CTNNA3: variants seen among roughly 807,000 people sequenced by gnomAD.
CTNNA3 encodes the protein catenin alpha 3.
Under a neutral mutation model 95.7 loss-of-function variants are expected in CTNNA3, and 76 were observed. The observed-to-expected ratio is 0.79, with a 90% CI of 0.66 to 0.96. The LOEUF (loss-of-function observed/expected upper bound fraction) is 0.96, where lower values mean the gene tolerates loss of function less well. CTNNA3 is among the 40% of genes least tolerant of loss of function. The pLI, the probability that CTNNA3 is intolerant of heterozygous loss-of-function variation, is 0.00. For missense variants in CTNNA3, 1,191 were observed against 1,089.8 expected (o/e 1.09, Z -1.31); for synonymous variants, 431 against 374.4 (o/e 1.15, Z -1.74).
intron 9 of CTNNA3, among the ~76,000 whole-genome samples, chr10:66,690,802 T>A (rs963131000): frequency 6.6e-6 from 1 of 152,140 alleles, no homozygotes; most frequent in African/African-American, 2.4e-5. Flanking sequence ...TGTGTCTTTA[T>A]AGCAGCATGA....
At chr10:66,427,611 CT>C (rs1471703748) in intron 11 of CTNNA3, among the ~76,000 whole-genome samples, 13 of 152,032 alleles carry the variant, frequency 8.6e-5, no homozygotes, top group African/African-American at 3.1e-4. Flanking sequence ...TATTTTTGCT[CT>C]TGTAAACAGA....
intron 12 of CTNNA3, among the ~76,000 whole-genome samples, chr10:66,360,945 GTCTC>G (rs1182972951): frequency 1.1e-5 from 1 of 92,832 alleles, no homozygotes; most frequent in African/African-American, 3.7e-5. Context: ...CTCTCTCTCT[GTCTC>G]TCTCTTTCTT....
At chr10:66,517,748 T>A (rs1487375179) in intron 11 of CTNNA3, among the ~76,000 whole-genome samples, 1 of 152,058 alleles carries the variant, frequency 6.6e-6, no homozygotes, top group Non-Finnish European at 1.5e-5. Flanking sequence ...ACCCCCAATT[T>A]TTTCTTGCAC....
chr10:66,922,459 C>G (rs551136584), intron 7 of CTNNA3, among the ~76,000 whole-genome samples: 29 of 152,294 alleles, frequency 1.9e-4, no homozygotes, highest in Middle Eastern at 3.4e-3. Context: ...ACTTCTGCAG[C>G]CTCAAGTATT....
At chr10:67,403,267 C>T (rs1283167906) in intron 5 of CTNNA3, 2 of 152,318 alleles carry the variant, frequency 1.3e-5, no homozygotes, top group African/African-American at 4.8e-5. Flanking sequence ...CTCCAGCCAC[C>T]CCTGCCCATA....
At chr10:67,661,026 G>A (rs1429005642) in intron 1 of CTNNA3, among the ~76,000 whole-genome samples, 1 of 151,820 alleles carries the variant, frequency 6.6e-6, no homozygotes, top group Non-Finnish European at 1.5e-5. Flanking sequence ...ATAACAAACT[G>A]TTAGTAAGGC....
intron 7 of CTNNA3, among the ~76,000 whole-genome samples, chr10:67,123,700 G>A (rs1219849353): frequency 1.3e-5 from 2 of 152,098 alleles, no homozygotes; most frequent in East Asian, 3.9e-4. Flanking sequence ...TACTTACTGA[G>A]AAAGAAAAGC....
At chr10:67,113,545 G>A (rs931815582) in intron 7 of CTNNA3, among the ~76,000 whole-genome samples, 7 of 152,084 alleles carry the variant, frequency 4.6e-5, no homozygotes, top group African/African-American at 1.7e-4. Flanking sequence ...AGTCCAACAA[G>A]GTTTATTTTC....
At chr10:67,143,445 A>G (rs966845448) in intron 7 of CTNNA3, among the ~76,000 whole-genome samples, 11 of 150,858 alleles carry the variant, frequency 7.3e-5, no homozygotes, top group Non-Finnish European at 1.0e-4. Context: ...AAAAAAAAAA[A>G]AATTATCTGT....
At chr10:66,420,665 G>A (rs1046281771) in intron 11 of CTNNA3, among the ~76,000 whole-genome samples, 4 of 152,020 alleles carry the variant, frequency 2.6e-5, no homozygotes, top group Non-Finnish European at 5.9e-5. Flanking sequence ...CGGGCGTGAT[G>A]GCATGTGCCT....
At chr10:66,195,640 T>C (rs1227821080) in intron 13 of CTNNA3, among the ~76,000 whole-genome samples, 3 of 152,182 alleles carry the variant, frequency 2.0e-5, no homozygotes. Flanking sequence ...AGTCTTTGAA[T>C]GCATTTTATT....
chr10:66,093,327 T>C (rs950856977), intron 14 of CTNNA3, among the ~76,000 whole-genome samples: 1 of 152,044 alleles, frequency 6.6e-6, no homozygotes, highest in Non-Finnish European at 1.5e-5. Flanking sequence ...GCACTTGACA[T>C]GTAAAAATCC....
intron 15 of CTNNA3, among the ~76,000 whole-genome samples, chr10:66,049,857 T>G (rs1285566288): frequency 6.6e-6 from 1 of 152,114 alleles, no homozygotes; most frequent in Non-Finnish European, 1.5e-5. Flanking sequence ...GCTTAATACC[T>G]GGGTGATGAA....
At chr10:66,618,343 G>A (rs1844605005) in intron 10 of CTNNA3, among the ~76,000 whole-genome samples, 1 of 151,968 alleles carries the variant, frequency 6.6e-6, no homozygotes, top group Non-Finnish European at 1.5e-5. Context: ...AAACAGCAAG[G>A]TACTGGTACC....
chr10:65,991,534 C>A (rs1289763020), intron 15 of CTNNA3, among the ~76,000 whole-genome samples: 14 of 150,992 alleles, frequency 9.3e-5, no homozygotes, highest in Non-Finnish European at 1.5e-4. Context: ...AATGGGATTG[C>A]CTCTTGATTT....
intron 1 of CTNNA3, among the ~76,000 whole-genome samples, chr10:67,736,543 C>T (rs1388397881): frequency 1.3e-5 from 2 of 150,822 alleles, no homozygotes; most frequent in African/African-American, 4.9e-5. Flanking sequence ...GCAATCTCCG[C>T]CTCCCAGTTT....
intron 9 of CTNNA3, among the ~76,000 whole-genome samples, chr10:66,650,251 G>A (rs1845847382): frequency 6.6e-6 from 1 of 152,048 alleles, no homozygotes; most frequent in Non-Finnish European, 1.5e-5. Context: ...ACAGAACCCG[G>A]GTGTAGCACA....
At chr10:67,602,441 G>T (rs1843115000) in intron 3 of CTNNA3, among the ~76,000 whole-genome samples, 1 of 152,146 alleles carries the variant, frequency 6.6e-6, no homozygotes, top group Admixed American at 6.5e-5. Context: ...GAAGTTGCTG[G>T]CGGTAGCTCA....
At chr10:66,442,066 G>T (rs1036591037) in intron 11 of CTNNA3, among the ~76,000 whole-genome samples, 1 of 152,060 alleles carries the variant, frequency 6.6e-6, no homozygotes, top group Non-Finnish European at 1.5e-5. Context: ...TTCTCCTGGG[G>T]TTCTGCATCC....
Sources: gnomAD v4.1 joint callset for allele counts (sites outside exome capture counted in the v4.1 genomes callset) on GRCh38, gnomAD v4.1.1 for gene constraint, MANE v1.5 for transcripts, NCBI Gene and HGNC (gene_info 2026-07-23, HGNC 2026-07-21) for gene names.